The following FHIT variants were observed in gnomAD, a reference collection of about 807,000 sequenced individuals.
The protein encoded by FHIT is bis(5'-adenosyl)-triphosphatase.
Under a neutral mutation model 17.9 loss-of-function variants are expected in FHIT, and 19 were observed. The ratio of observed to expected loss-of-function variants is 1.06; its 90% CI spans 0.74 to 1.56. The LOEUF (loss-of-function observed/expected upper bound fraction) is 1.56, where lower values mean the gene tolerates loss of function less well. Ranked by LOEUF, FHIT falls within the 40% of genes most tolerant of loss-of-function variation. FHIT has a pLI of 0.00. For synonymous variants in FHIT, 81 were observed against 69.7 expected (o/e 1.16, Z -0.81); for missense variants, 248 against 189.2 (o/e 1.31, Z -1.82).
chr3:60,828,218 A>G (rs1553741547), intron 3 of FHIT, among the ~76,000 whole-genome samples: 1 of 152,196 alleles, frequency 6.6e-6, no homozygotes, highest in African/African-American at 2.4e-5. Flanking sequence ...TTTTAACATT[A>G]TCATTTTAAC....
At chr3:59,840,290 T>C (rs950673581) in intron 8 of FHIT, among the ~76,000 whole-genome samples, 16 of 151,582 alleles carry the variant, frequency 1.1e-4, no homozygotes, top group African/African-American at 3.9e-4. Flanking sequence ...GGTTACCAAC[T>C]CAGACACCTA....
At chr3:60,259,780 G>T (rs138705617) in intron 5 of FHIT, among the ~76,000 whole-genome samples, 6 of 152,146 alleles carry the variant, frequency 3.9e-5, no homozygotes, top group Non-Finnish European at 8.8e-5. Context: ...CTGTTACCAT[G>T]GGTTTTCTAG....
intron 4 of FHIT, among the ~76,000 whole-genome samples, chr3:60,733,295 G>T (rs1177622957): frequency 1.1e-4 from 17 of 152,142 alleles, no homozygotes. Flanking sequence ...TTACAGAAAA[G>T]TAAGAAAACC....
chr3:60,937,565 T>C (rs4260356), intron 3 of FHIT, among the ~76,000 whole-genome samples: 83,255 of 127,334 alleles, frequency 0.65, 26,584 homozygotes, highest in Middle Eastern at 0.79. Context: ...TTCTTTTCTT[T>C]TCTTTTTTTT....
intron 8 of FHIT, among the ~76,000 whole-genome samples, chr3:59,792,780 A>G (rs1036031577): frequency 2.0e-5 from 3 of 151,214 alleles, no homozygotes; most frequent in Non-Finnish European, 1.5e-5. Context: ...CATCTCAAAC[A>G]TATTTGTCCA....
chr3:60,147,693 T>G (rs1559676071), intron 5 of FHIT, among the ~76,000 whole-genome samples: 1 of 152,140 alleles, frequency 6.6e-6, no homozygotes, highest in Admixed American at 6.5e-5. Flanking sequence ...CAAATTTTTT[T>G]CCCCCTAAGA....
chr3:60,644,535 T>G (rs1282588369), intron 4 of FHIT, among the ~76,000 whole-genome samples: 2 of 152,224 alleles, frequency 1.3e-5, no homozygotes, highest in Non-Finnish European at 2.9e-5. Context: ...TACAAATACA[T>G]AACTTCATGT....
Position 60,470,788 on chromosome 3 carries a change from C to A in FHIT, c.103+66072G>T, listed in dbSNP as rs2033050663. 2.6e-5 allele frequency among the ~76,000 whole-genome samples: 4 copies of A among 152,238 alleles called. No homozygotes were observed. In the South Asian group the frequency reaches 8.3e-4, roughly 32 times the overall value. On this transcript the variant is annotated intron_variant, in intron 5 of 9. Coordinates refer to ENST00000492590, the MANE Select transcript of FHIT (RefSeq NM_002012.4). The stretch of plus-strand genomic sequence containing the variant: ...TTTCCTCAAGCAGAAGGGATCTCTC[C>A]CTGTAGCCACCACAGCTGGGAATGT...
chr3:61,086,271 C>T (rs931865572), intron 2 of FHIT, among the ~76,000 whole-genome samples: 1 of 152,064 alleles, frequency 6.6e-6, no homozygotes, highest in Admixed American at 6.5e-5. Flanking sequence ...AGGATGTTTA[C>T]TTATAGTCCT....
At chr3:60,481,082 A>C (rs1421092992) in intron 5 of FHIT, among the ~76,000 whole-genome samples, 1 of 152,164 alleles carries the variant, frequency 6.6e-6, no homozygotes, top group Non-Finnish European at 1.5e-5. Context: ...ACATCCTTTT[A>C]TATCTAGGTG....
intron 3 of FHIT, among the ~76,000 whole-genome samples, chr3:60,978,204 C>T (rs1406703896): frequency 6.6e-6 from 1 of 152,202 alleles, no homozygotes; most frequent in Non-Finnish European, 1.5e-5. Context: ...TAGACAGAAG[C>T]AGCTTTGGGG....
intron 3 of FHIT, among the ~76,000 whole-genome samples, chr3:60,955,870 T>C (rs1357071398): frequency 1.3e-5 from 2 of 152,034 alleles, no homozygotes; most frequent in African/African-American, 4.8e-5. Flanking sequence ...TCCAAGCATA[T>C]TATTTTATAA....
chr3:60,469,022 T>A (rs562936451), intron 5 of FHIT, among the ~76,000 whole-genome samples: 15 of 152,312 alleles, frequency 9.8e-5, no homozygotes, highest in African/African-American at 3.6e-4. Flanking sequence ...AGATTTCCAC[T>A]GAAACATCTG....
At position 61,029,779 on chromosome 3, in the gene FHIT, A is replaced by G. The variant is rs2032922145; in HGVS notation, c.-111+12268T>C. 2.0e-5 allele frequency among the ~76,000 whole-genome samples: 3 copies of G among 152,122 alleles called. No homozygotes were observed. The South Asian group carries it at 6.2e-4, about 32-fold the overall frequency. On this transcript the variant is annotated intron_variant, in intron 3 of 9. Coordinates refer to ENST00000492590, the MANE Select transcript of FHIT (RefSeq NM_002012.4). ...TATTTGAGTCTAACAGGTTATTCTT[A>G]GTAATCCCTCTTGTCCAGGAAAAGA... is the stretch of plus-strand genomic sequence containing the variant.
intron 7 of FHIT, among the ~76,000 whole-genome samples, chr3:59,979,981 T>A (rs541077528): frequency 6.6e-6 from 1 of 152,326 alleles, no homozygotes; most frequent in Admixed American, 6.5e-5. Flanking sequence ...GAAGACTTAA[T>A]GTGTCTGACA....
intron 5 of FHIT, among the ~76,000 whole-genome samples, chr3:60,297,518 G>C (rs1402414790): frequency 6.6e-6 from 1 of 151,800 alleles, no homozygotes; most frequent in Non-Finnish European, 1.5e-5. Context: ...TTATTTCTAG[G>C]ATTTTTTAAA....
At chr3:61,019,111 T>C (rs2032269107) in intron 3 of FHIT, among the ~76,000 whole-genome samples, 1 of 150,846 alleles carries the variant, frequency 6.6e-6, no homozygotes, top group Non-Finnish European at 1.5e-5. Context: ...AGGAGAAATC[T>C]TTCTTAGAAG....
At chr3:60,134,215 G>C (rs182688195) in intron 5 of FHIT, among the ~76,000 whole-genome samples, 9 of 152,280 alleles carry the variant, frequency 5.9e-5, no homozygotes, top group Admixed American at 5.2e-4. Context: ...CCAAGGTGGA[G>C]ATAGGAAAAT....
chr3:59,959,992 C>T (rs80295303), intron 7 of FHIT, among the ~76,000 whole-genome samples: 1,646 of 152,126 alleles, frequency 0.011, 30 homozygotes, highest in African/African-American at 0.038. Flanking sequence ...GAGCTATGAG[C>T]CAGAGCACAT....
Sources: allele counts gnomAD v4.1 joint callset (sites outside exome capture counted in the v4.1 genomes callset), GRCh38; gene constraint gnomAD v4.1.1; transcripts MANE v1.5; gene names NCBI Gene and HGNC (gene_info 2026-07-23, HGNC 2026-07-21).